The following SPRED1 variants were observed in gnomAD, a reference collection of about 807,000 sequenced individuals.
SPRED1 encodes the protein sprouty related EVH1 domain containing 1.
In SPRED1, 18 loss-of-function variants were observed where a neutral mutation model predicts 52.3. The ratio of observed to expected loss-of-function variants is 0.34; its 90% confidence interval spans 0.24 to 0.51. The LOEUF (loss-of-function observed/expected upper bound fraction) is 0.51, where lower values mean the gene tolerates loss of function less well. Among genes scored for constraint, SPRED1 ranks in the 20% least tolerant of loss-of-function variants. SPRED1 has a pLI of 0.97. For missense variants in SPRED1, 485 were observed against 551.0 expected (o/e 0.88, Z 1.20); for synonymous variants, 155 against 179.7 (o/e 0.86, Z 1.10).
chr15:38,299,737 G>A (rs948845376), intron 2 of SPRED1, among the ~76,000 whole-genome samples, 190 bp downstream of exon 2: 1 of 151,774 alleles, frequency 6.6e-6, no homozygotes, highest in African/African-American at 2.4e-5. Flanking sequence ...ATACACATTT[G>A]TTGGGGGATG....
At chr15:38,285,942 C>G (rs1485393897) in intron 1 of SPRED1, among the ~76,000 whole-genome samples, 1 of 152,122 alleles carries the variant, frequency 6.6e-6, no homozygotes, top group African/African-American at 2.4e-5. Context: ...CCTTTATACC[C>G]TTATTAATGT....
At chr15:38,334,266 G>GA (rs1026603874) in intron 4 of SPRED1, among the ~76,000 whole-genome samples, 84 of 151,702 alleles carry the variant, frequency 5.5e-4, no homozygotes, top group Middle Eastern at 3.4e-3. Context: ...ATAAGAAAAT[G>GA]AAAAAAAATA....
intron 2 of SPRED1, among the ~76,000 whole-genome samples, chr15:38,321,545 C>A (rs1319421307): frequency 6.6e-6 from 1 of 152,140 alleles, no homozygotes; most frequent in Non-Finnish European, 1.5e-5. Flanking sequence ...TAAATCCTTA[C>A]ACAAAATATA....
chr15:38,328,478 A>G (rs1397013925), intron 4 of SPRED1, among the ~76,000 whole-genome samples: 9 of 152,202 alleles, frequency 5.9e-5, no homozygotes, highest in Non-Finnish European at 1.3e-4. Flanking sequence ...TTTCTATTTC[A>G]TATCTGTCTT....
intron 1 of SPRED1, among the ~76,000 whole-genome samples, chr15:38,262,974 G>T (rs374378271): frequency 1.3e-5 from 2 of 152,180 alleles, no homozygotes; most frequent in East Asian, 3.9e-4. Flanking sequence ...AATCCAATTT[G>T]TGTAAAGCAG....
At position 38,316,295 on chromosome 15, in the gene SPRED1, T is replaced by G. The variant is rs533905421; in HGVS notation, c.208-5946T>G. Among the ~76,000 whole-genome samples the G allele has an allele frequency of 2.0e-5, 3 of 152,148 alleles. No individual in the cohort carries two copies. In the South Asian group the frequency reaches 6.2e-4, roughly 31 times the overall value. On this transcript the variant is annotated intron_variant, in intron 2 of 6. Coordinates refer to ENST00000299084, the MANE Select transcript of SPRED1 (RefSeq NM_152594.3). ...TCTTGAAGTCCAGAGTTCACCTGTT[T>G]ATCTGTTTATCTGTATTTTCGTAAA... is the stretch of plus-strand genomic sequence containing the variant.
intron 2 of SPRED1, among the ~76,000 whole-genome samples, chr15:38,318,736 A>G (rs7182312): frequency 0.82 from 125,401 of 152,150 alleles, 52,467 homozygotes; most frequent in Non-Finnish European, 0.9. Context: ...GCCTCTAACT[A>G]TATCCATGTT....
intron 1 of SPRED1, among the ~76,000 whole-genome samples, chr15:38,288,526 G>T (rs1362569637): frequency 2.6e-5 from 4 of 152,152 alleles, no homozygotes; most frequent in Non-Finnish European, 4.4e-5. Context: ...CTCCGAGGAG[G>T]ATTCTTGTTA....
chr15:38,323,995 A>T (rs1372853374), intron 3 of SPRED1, among the ~76,000 whole-genome samples: 1 of 150,712 alleles, frequency 6.6e-6, no homozygotes, highest in Non-Finnish European at 1.5e-5. Context: ...ATTTTTGAAC[A>T]TTAAAAAACA....
intron 2 of SPRED1, among the ~76,000 whole-genome samples, chr15:38,318,485 C>T (rs972422100): frequency 1.1e-4 from 16 of 152,040 alleles, no homozygotes; most frequent in Admixed American, 1.0e-3. Context: ...GGTACATGTG[C>T]AGATTTTGTT....
At chr15:38,296,457 T>C (rs1895041171) in intron 1 of SPRED1, among the ~76,000 whole-genome samples, 1 of 152,194 alleles carries the variant, frequency 6.6e-6, no homozygotes, top group African/African-American at 2.4e-5. Context: ...AGTACTGTCA[T>C]TTCAAACAAA....
intron 5 of SPRED1, 28 bp downstream of exon 5, chr15:38,339,923 C>A: frequency 1.9e-6 from 3 of 1,613,130 alleles, no homozygotes; most frequent in East Asian, 4.5e-5. Flanking sequence ...TTTTTCGGCG[C>A]GTTGTTTATA....
chr15:38,293,099 CT>C lies in SPRED1; in HGVS notation c.33-6255del, dbSNP rs66511254. Among the ~76,000 whole-genome samples, 60 of 90,730 alleles carry C rather than the reference CT, an allele frequency of 6.6e-4. 2 individuals are homozygous for C. Among genetic ancestry groups the C allele is most frequent in the African/African-American group, 3.3e-4 (8 of 24,078 alleles). The allele number at this position is 90,730 out of a possible 152,430, so 59.5% of individuals were successfully genotyped here. On this transcript the variant is annotated intron_variant, in intron 1 of 6. Transcript: ENST00000299084. ...TTAAGTAATTTACCCAAGATTACAACTTTTTTTTTTTTTTTTTTTGAGACGG... is the reference window on the plus strand; with the variant it reads ...TTAAGTAATTTACCCAAGATTACAACTTTTTTTTTTTTTTTTTTGAGACGG...
chr15:38,283,655 A>C, intron 1 of SPRED1: 1 of 305,006 alleles, frequency 3.3e-6, no homozygotes, highest in Non-Finnish European at 4.8e-6. Flanking sequence ...GTGTGATATG[A>C]GTGGCTGTTT....
At chr15:38,324,617 A>G (rs1895673443) in intron 3 of SPRED1, 146 bp from the exon 4 acceptor site, 4 of 628,866 alleles carry the variant, frequency 6.4e-6, no homozygotes, top group Non-Finnish European at 1.1e-5. Flanking sequence ...GGCAAATGCA[A>G]GTGGCCAGTA....
chr15:38,299,272 C>T (rs947392765), intron 1 of SPRED1, 101 bp from the exon 2 acceptor site: 13 of 1,250,096 alleles, frequency 1.0e-5, no homozygotes, highest in Non-Finnish European at 1.4e-5. Context: ...TTAGTCACCA[C>T]ATGTTAACTA....
chr15:38,322,231 C>CTT lies in SPRED1; in HGVS notation c.208-7_208-6dup, dbSNP rs1229127641. On this transcript the variant is annotated splice_polypyrimidine_tract_variant and intron_variant, in intron 2 of 6. Coordinates refer to ENST00000299084, the MANE Select transcript of SPRED1 (RefSeq NM_152594.3). ...ATGTATATTAATTTTTGGTATTTGG[C>CTT]TTTTGTCAGGTGGTTTTGGAATGTA... 6.2e-7 allele frequency: 1 copy of CTT among 1,613,294 alleles called. No homozygotes were observed.
At chr15:38,286,729 A>G (rs896797799) in intron 1 of SPRED1, among the ~76,000 whole-genome samples, 1 of 152,158 alleles carries the variant, frequency 6.6e-6, no homozygotes, top group Admixed American at 6.5e-5. Flanking sequence ...ATTTTTAAGA[A>G]TAAATGTTGA....
rs76737953 is a variant in SPRED1, at chr15:38,289,647, G to T, written c.33-9726G>T. 5.2e-3 allele frequency among the ~76,000 whole-genome samples: 790 copies of T among 152,276 alleles called. 17 individuals are homozygous for T. Among genetic ancestry groups the T allele is most frequent in the East Asian group, 0.049 (252 of 5,184 alleles). Reference sequence around the variant, plus strand: ...CTGACTGTATAGGACTGTAGTCAGAGAAAGATATAACTACAGAAGAAGGTT... The same window carrying T: ...CTGACTGTATAGGACTGTAGTCAGATAAAGATATAACTACAGAAGAAGGTT... On this transcript the variant is annotated intron_variant, in intron 1 of 6. Transcript: ENST00000299084.
Sources: gnomAD v4.1 joint callset for allele counts (sites outside exome capture counted in the v4.1 genomes callset) on GRCh38, gnomAD v4.1.1 for gene constraint, MANE v1.5 for transcripts, NCBI Gene and HGNC (gene_info 2026-07-23, HGNC 2026-07-21) for gene names.